Variants in NRXN1 observed in about 807,000 individuals in gnomAD.
NRXN1 encodes the protein neurexin 1.
NRXN1 carries 39 observed loss-of-function variants against 150.9 expected under a neutral mutation model. That is an observed-to-expected ratio of 0.26 (90% CI 0.20 to 0.34). NRXN1 has a LOEUF of 0.34. Among genes scored for constraint, NRXN1 ranks in the 10% least tolerant of loss-of-function variants. The pLI, the probability that NRXN1 is intolerant of heterozygous loss-of-function variation, is 1.00. For synonymous variants in NRXN1, 924 were observed against 757.0 expected (o/e 1.22, Z -3.62); for missense variants, 1,815 against 1,949.9 (o/e 0.93, Z 1.30).
chr2:50,226,491 AAAG>A (rs900811818), intron 18 of NRXN1, among the ~76,000 whole-genome samples: 3 of 151,928 alleles, frequency 2.0e-5, no homozygotes, highest in African/African-American at 4.8e-5. Context: ...GGTAGAAGAG[AAAG>A]AAGAAGAAGG....
intron 18 of NRXN1, among the ~76,000 whole-genome samples, chr2:50,194,625 C>T (rs928958885): frequency 2.0e-5 from 3 of 152,110 alleles, no homozygotes; most frequent in African/African-American, 4.8e-5. Flanking sequence ...GACTTGAATT[C>T]CAGTGTCATC....
intron 17 of NRXN1, among the ~76,000 whole-genome samples, chr2:50,278,061 C>T (rs1412546724): frequency 1.2e-5 from 1 of 84,276 alleles, no homozygotes; most frequent in Non-Finnish European, 2.0e-5. Context: ...TTTCCTTTCT[C>T]TCTCTCTTTT....
At chr2:50,820,850 T>C (rs1669623508) in intron 5 of NRXN1, among the ~76,000 whole-genome samples, 1 of 152,058 alleles carries the variant, frequency 6.6e-6, no homozygotes, top group South Asian at 2.1e-4. Flanking sequence ...ACAAACCAAA[T>C]GGATACTGAA....
rs183108686 is a variant in NRXN1, at chr2:50,873,653, G to T, written c.832+48216C>A. On this transcript the variant is annotated intron_variant, in intron 5 of 22. Coordinates refer to ENST00000401669, the MANE Select transcript of NRXN1 (RefSeq NM_001330078.2). ...TTGACTTTTTAGAATATTTTTGGCA[G>T]AATATACAAATTGCTTGATAAACTG... Among the ~76,000 whole-genome samples the T allele has an allele frequency of 2.6e-5, 4 of 151,844 alleles. No homozygotes were observed. The East Asian group carries it at 7.8e-4, about 30-fold the overall frequency.
rs1689589176 is a variant in NRXN1, at chr2:50,676,656, A to G, written c.833-53041T>C. Among the ~76,000 whole-genome samples the G allele has an allele frequency of 3.3e-5, 5 of 152,172 alleles. No individual in the cohort carries two copies. The South Asian group carries it at 1.0e-3, about 32-fold the overall frequency. On this transcript the variant is annotated intron_variant, in intron 5 of 22. Transcript: ENST00000401669. ...CATTCAGTAAATGTTAGCTCTAATGATAACAGTAATTGGTATTATTATTAT... is the reference window on the plus strand; with the variant it reads ...CATTCAGTAAATGTTAGCTCTAATGGTAACAGTAATTGGTATTATTATTAT...
intron 5 of NRXN1, among the ~76,000 whole-genome samples, chr2:50,805,103 C>T (rs1667339342): frequency 6.6e-6 from 1 of 152,064 alleles, no homozygotes; most frequent in Non-Finnish European, 1.5e-5. Context: ...AGAACAATGC[C>T]TGCCACATAG....
At chr2:50,373,332 T>TATTA (rs1558619077) in intron 17 of NRXN1, among the ~76,000 whole-genome samples, 3 of 147,140 alleles carry the variant, frequency 2.0e-5, no homozygotes, top group Admixed American at 1.4e-4. Context: ...TTATTATTAT[T>TATTA]TTGCCTCAGA....
chr2:50,063,482 C>T (rs1694875861), intron 19 of NRXN1, among the ~76,000 whole-genome samples: 1 of 151,504 alleles, frequency 6.6e-6, no homozygotes, highest in African/African-American at 2.4e-5. Context: ...TTGAACCCGA[C>T]ATTCTCCTTT....
chr2:50,682,821 T>C (rs757331818), intron 5 of NRXN1, among the ~76,000 whole-genome samples: 1 of 152,136 alleles, frequency 6.6e-6, no homozygotes, highest in East Asian at 1.9e-4. Flanking sequence ...TTTAAAGATA[T>C]AGCTTATATA....
chr2:50,048,786 G>A (rs1263437974), intron 21 of NRXN1, among the ~76,000 whole-genome samples: 1 of 152,038 alleles, frequency 6.6e-6, no homozygotes, highest in Non-Finnish European at 1.5e-5. Context: ...TCCTTGAGTA[G>A]GTTTGCTAAC....
chr2:50,225,589 T>C (rs114539046), intron 18 of NRXN1, among the ~76,000 whole-genome samples: 3,102 of 151,764 alleles, frequency 0.02, 110 homozygotes, highest in African/African-American at 0.07. Context: ...ATAAAATATA[T>C]AATCCAGGCC....
intron 5 of NRXN1, among the ~76,000 whole-genome samples, chr2:50,800,053 T>C (rs888078649): frequency 2.2e-4 from 34 of 152,170 alleles, no homozygotes; most frequent in Admixed American, 1.2e-3. Flanking sequence ...TGAAGAACTG[T>C]AGTTATGCAA....
intron 21 of NRXN1, chr2:50,016,562 T>A (rs1425812180): frequency 1.3e-5 from 2 of 152,068 alleles, no homozygotes; most frequent in East Asian, 1.9e-4. Flanking sequence ...AGCAAACACA[T>A]CCTTCTTAAC....
At chr2:50,950,958 A>G (rs935392768) in intron 2 of NRXN1, among the ~76,000 whole-genome samples, 2 of 152,220 alleles carry the variant, frequency 1.3e-5, no homozygotes, top group African/African-American at 4.8e-5. Context: ...GAAAGCTAAT[A>G]TAACAAGACA....
chr2:50,631,451 A>T (rs761637758), intron 5 of NRXN1: 1 of 168,898 alleles, frequency 5.9e-6, no homozygotes, highest in Non-Finnish European at 1.3e-5. Flanking sequence ...TCAGGGCCCA[A>T]CAGACAAAAC....
chr2:50,446,768 T>A (rs577888547), intron 17 of NRXN1, among the ~76,000 whole-genome samples: 1 of 152,220 alleles, frequency 6.6e-6, no homozygotes, highest in East Asian at 1.9e-4. Flanking sequence ...TGATTTTATT[T>A]TGTCTTCTAC....
At chr2:49,979,027 G>C (rs1044520771) in intron 21 of NRXN1, among the ~76,000 whole-genome samples, 2 of 152,104 alleles carry the variant, frequency 1.3e-5, no homozygotes, top group Non-Finnish European at 2.9e-5. Flanking sequence ...GGTCGGGTGC[G>C]GGGGCTCATG....
chr2:49,997,275 C>T (rs1280571258), intron 21 of NRXN1, among the ~76,000 whole-genome samples: 2 of 151,934 alleles, frequency 1.3e-5, no homozygotes, highest in Non-Finnish European at 1.5e-5. Flanking sequence ...TGAAGTGTGA[C>T]TATTGACCAT....
intron 18 of NRXN1, among the ~76,000 whole-genome samples, chr2:50,113,617 C>G (rs571773213): frequency 1.0e-3 from 153 of 152,304 alleles, no homozygotes; most frequent in Non-Finnish European, 1.9e-3. Context: ...GATCTATCTA[C>G]AACCCCTTCA....
Sources: allele counts gnomAD v4.1 joint callset (sites outside exome capture counted in the v4.1 genomes callset), GRCh38; gene constraint gnomAD v4.1.1; transcripts MANE v1.5; gene names NCBI Gene and HGNC (gene_info 2026-07-23, HGNC 2026-07-21).